Variants in ULK4 observed in about 807,000 individuals in gnomAD.
ULK4 encodes inactive serine/threonine-protein kinase ULK4.
Under a neutral mutation model 160.6 loss-of-function variants are expected in ULK4, and 133 were observed. The ratio of observed to expected loss-of-function variants is 0.83; its 90% CI spans 0.72 to 0.96. The LOEUF is 0.96. Among genes scored for constraint, ULK4 ranks in the 40% least tolerant of loss-of-function variants. ULK4 has a pLI of 0.00. For synonymous variants in ULK4, 534 were observed against 539.8 expected, an observed-to-expected ratio of 0.99 and a Z score of 0.15; for missense variants, 1,580 against 1,499.5, an observed-to-expected ratio of 1.05 and a Z score of -0.89.
chr3:41,612,046 C>T (rs2032706385), intron 31 of ULK4, among the ~76,000 whole-genome samples: 1 of 152,066 alleles, frequency 6.6e-6, no homozygotes, highest in Admixed American at 6.6e-5. Context: ...AAGTAACACA[C>T]ATTTTAAAAT....
chr3:41,312,626 C>T (rs1018889441), intron 35 of ULK4, among the ~76,000 whole-genome samples: 8 of 151,224 alleles, frequency 5.3e-5, no homozygotes, highest in Non-Finnish European at 1.0e-4. Context: ...GAGACCTCAT[C>T]TCTACAGAAA....
chr3:41,445,396 AAAAGAGCCTG>A (rs2083274388), intron 34 of ULK4, among the ~76,000 whole-genome samples: 10 of 152,234 alleles, frequency 6.6e-5, no homozygotes, highest in Admixed American at 5.9e-4. Context: ...ATGGAACCAA[AAAAGAGCCTG>A]CATCGCCAAG....
At chr3:41,880,800 T>C (rs1450981373) in intron 17 of ULK4, among the ~76,000 whole-genome samples, 2 of 152,114 alleles carry the variant, frequency 1.3e-5, no homozygotes, top group Non-Finnish European at 2.9e-5. Context: ...GGCATGAACC[T>C]GTGGTCCAAG....
In ULK4 at chr3:41,915,973, C is replaced by T. The variant is rs201058853; in HGVS notation, c.803+4G>A. On this transcript the variant is annotated splice_donor_region_variant and intron_variant, in intron 8 of 36. Coordinates refer to ENST00000301831, the MANE Select transcript of ULK4 (RefSeq NM_017886.4). The stretch of plus-strand genomic sequence containing the variant: ...AGAAAAAAAGATCGAACTACTGTCC[C>T]TACCTTTTCTGAGGATCTCTTTGAA... The T allele has an allele frequency of 5.2e-5, 82 of 1,583,024 alleles. No homozygotes were observed. The highest frequency in any genetic ancestry group is 3.2e-4 in the Admixed American group (16 of 50,742).
intron 35 of ULK4, among the ~76,000 whole-genome samples, chr3:41,377,779 C>A (rs1160521400): frequency 1.4e-5 from 2 of 147,938 alleles, no homozygotes; most frequent in Non-Finnish European, 3.0e-5. Context: ...GTTGGTGGGA[C>A]TGTAAACTAG....
intron 32 of ULK4, among the ~76,000 whole-genome samples, chr3:41,541,516 T>C (rs1447092012): frequency 6.6e-6 from 1 of 152,230 alleles, no homozygotes; most frequent in Admixed American, 6.5e-5. Context: ...TGTGGGCTCT[T>C]TTCTGGTCCC....
intron 27 of ULK4, among the ~76,000 whole-genome samples, chr3:41,687,545 A>T (rs868185849): frequency 7.9e-5 from 12 of 152,278 alleles, no homozygotes; most frequent in Middle Eastern, 6.8e-3. Flanking sequence ...GCAGAAACTC[A>T]ATGAAATAAA....
intron 17 of ULK4, among the ~76,000 whole-genome samples, chr3:41,849,026 A>C (rs752850230): frequency 2.6e-5 from 4 of 152,208 alleles, no homozygotes; most frequent in African/African-American, 7.2e-5. Flanking sequence ...CTGCCTCAGT[A>C]AACTGTAAGG....
chr3:41,591,813 G>A (rs892249629), intron 31 of ULK4, among the ~76,000 whole-genome samples: 3 of 152,182 alleles, frequency 2.0e-5, no homozygotes, highest in Admixed American at 6.5e-5. Flanking sequence ...ACGTTGCACA[G>A]TTCATGTGAG....
Position 41,805,841 on chromosome 3 carries a change from A to T in ULK4, c.1849-5548T>A, listed in dbSNP as rs1224953019. 2.1e-5 allele frequency among the ~76,000 whole-genome samples: 3 copies of T among 146,070 alleles called. No homozygotes were observed. The East Asian group carries it at 5.9e-4, about 29-fold the overall frequency. ...GCATCCCAGGGATGAAGCCCACTTG[A>T]TCATGGTGGATAAGCTTTTGGATGT... On this transcript the variant is annotated intron_variant, in intron 19 of 36. Transcript: ENST00000301831.
chr3:41,560,615 C>CTT (rs2087524093), intron 32 of ULK4, among the ~76,000 whole-genome samples: 1 of 152,162 alleles, frequency 6.6e-6, no homozygotes, highest in African/African-American at 2.4e-5. Context: ...ATTTTATTCT[C>CTT]TTTGTAGCAA....
chr3:41,296,423 G>A (rs1298491046), intron 35 of ULK4, among the ~76,000 whole-genome samples: 1 of 152,164 alleles, frequency 6.6e-6, no homozygotes, highest in Admixed American at 6.5e-5. Flanking sequence ...TTTAGCATCA[G>A]CCTGGTGCGT....
At chr3:41,378,417 GC>G (rs2081563519) in intron 35 of ULK4, among the ~76,000 whole-genome samples, 1 of 149,850 alleles carries the variant, frequency 6.7e-6, no homozygotes, top group Admixed American at 6.7e-5. Context: ...AAAATGAGTG[GC>G]ACTTACATAT....
At chr3:41,386,182 A>G (rs1418990591) in intron 35 of ULK4, among the ~76,000 whole-genome samples, 1 of 152,140 alleles carries the variant, frequency 6.6e-6, no homozygotes, top group Non-Finnish European at 1.5e-5. Flanking sequence ...ACTCTTGCGG[A>G]TTTAGCTATT....
At chr3:41,780,049 C>A (rs973670920) in intron 21 of ULK4, among the ~76,000 whole-genome samples, 4 of 150,608 alleles carry the variant, frequency 2.7e-5, no homozygotes, top group African/African-American at 9.9e-5. Flanking sequence ...TCTGCAATTT[C>A]CAACACTTTG....
chr3:41,266,396 ACATT>A (rs1204027716), intron 35 of ULK4, among the ~76,000 whole-genome samples: 11 of 152,318 alleles, frequency 7.2e-5, no homozygotes, highest in African/African-American at 2.6e-4. Context: ...CTCTGCTTAC[ACATT>A]TTTTTGCAGA....
At chr3:41,442,138 A>G (rs1463051945) in intron 34 of ULK4, among the ~76,000 whole-genome samples, 2 of 152,180 alleles carry the variant, frequency 1.3e-5, no homozygotes, top group Non-Finnish European at 2.9e-5. Context: ...AATGGAAAAA[A>G]GGCCCCAAAG....
intron 22 of ULK4, among the ~76,000 whole-genome samples, chr3:41,745,599 T>A (rs533773229): frequency 6.6e-6 from 1 of 151,666 alleles, no homozygotes; most frequent in Non-Finnish European, 1.5e-5. Context: ...TTTCATACAG[T>A]CTCTTCCAGA....
intron 36 of ULK4, among the ~76,000 whole-genome samples, chr3:41,249,270 T>C (rs1377508699): frequency 2.6e-5 from 4 of 152,192 alleles, no homozygotes; most frequent in Non-Finnish European, 4.4e-5. Flanking sequence ...CCCTGTTGAT[T>C]CCTGTCCCCT....
Sources: allele counts gnomAD v4.1 joint callset (sites outside exome capture counted in the v4.1 genomes callset), GRCh38; gene constraint gnomAD v4.1.1; transcripts MANE v1.5; gene names NCBI Gene and HGNC (gene_info 2026-07-23, HGNC 2026-07-21).